ASIC2: variants seen among roughly 807,000 people sequenced by gnomAD.
ASIC2 encodes acid-sensing ion channel 2.
Under a neutral mutation model 57.3 loss-of-function variants are expected in ASIC2, and 25 were observed. The observed-to-expected ratio is 0.44, with a 90% confidence interval of 0.32 to 0.61. The LOEUF (loss-of-function observed/expected upper bound fraction) is 0.61. Ranked by LOEUF, ASIC2 falls within the 20% of genes least tolerant of loss-of-function variation. ASIC2 has a pLI of 0.06. For missense variants in ASIC2, 641 were observed against 738.1 expected (o/e 0.87, Z 1.52); for synonymous variants, 319 against 307.5 (o/e 1.04, Z -0.39).
chr17:33,122,720 T>A (rs2092307691), intron 1 of ASIC2, among the ~76,000 whole-genome samples: 1 of 152,306 alleles, frequency 6.6e-6, no homozygotes, highest in East Asian at 1.9e-4. Flanking sequence ...ATATACACTC[T>A]TATTAACTAT....
At chr17:33,951,949 A>G (rs1042722193) in intron 1 of ASIC2, among the ~76,000 whole-genome samples, 2 of 152,068 alleles carry the variant, frequency 1.3e-5, no homozygotes, top group Non-Finnish European at 2.9e-5. Context: ...CCCTTGATAC[A>G]TTTCAGAGGA....
At chr17:33,126,319 C>G (rs2092322965) in intron 1 of ASIC2, among the ~76,000 whole-genome samples, 1 of 152,210 alleles carries the variant, frequency 6.6e-6, no homozygotes, top group Non-Finnish European at 1.5e-5. Context: ...GACCTGTTTC[C>G]TCATCTGAAG....
intron 3 of ASIC2, among the ~76,000 whole-genome samples, chr17:33,063,811 T>G (rs1425270677): frequency 6.6e-6 from 1 of 151,986 alleles, no homozygotes; most frequent in Non-Finnish European, 1.5e-5. Context: ...CAGACGTAGA[T>G]TTGGTCTTTT....
chr17:33,791,569 G>T (rs1911773246), intron 1 of ASIC2, among the ~76,000 whole-genome samples: 1 of 152,116 alleles, frequency 6.6e-6, no homozygotes, highest in African/African-American at 2.4e-5. Flanking sequence ...ACATTTCACA[G>T]GCAGGAAGTA....
At chr17:33,577,165 C>T (rs77336051) in intron 1 of ASIC2, among the ~76,000 whole-genome samples, 16 of 152,248 alleles carry the variant, frequency 1.1e-4, no homozygotes, top group Admixed American at 2.0e-4. Flanking sequence ...TCCATTGCCA[C>T]TGAGTGCTGT....
intron 1 of ASIC2, among the ~76,000 whole-genome samples, chr17:33,398,866 A>G (rs1321020885): frequency 6.6e-6 from 1 of 152,210 alleles, no homozygotes; most frequent in East Asian, 1.9e-4. Context: ...GTCCAGAAGA[A>G]GCTACCATTT....
intron 1 of ASIC2, among the ~76,000 whole-genome samples, chr17:33,464,504 C>CT (rs1197763807): frequency 2.5e-5 from 1 of 39,434 alleles, no homozygotes; most frequent in Non-Finnish European, 5.7e-5. Context: ...TTCTTTCTTT[C>CT]TTTCTTTCTT....
At chr17:33,669,229 T>C (rs1907572166) in intron 1 of ASIC2, among the ~76,000 whole-genome samples, 6 of 152,202 alleles carry the variant, frequency 3.9e-5, no homozygotes, top group Admixed American at 3.9e-4. Context: ...ATTCTAGAAA[T>C]CTACCCCAGG....
At chr17:33,606,712 A>G (rs1183838545) in intron 1 of ASIC2, among the ~76,000 whole-genome samples, 2 of 152,232 alleles carry the variant, frequency 1.3e-5, no homozygotes, top group African/African-American at 4.8e-5. Flanking sequence ...GAATGAATGA[A>G]TGAACAAATG....
intron 1 of ASIC2, among the ~76,000 whole-genome samples, chr17:33,230,004 G>A (rs753911997): frequency 3.7e-4 from 56 of 152,150 alleles, no homozygotes; most frequent in Non-Finnish European, 6.8e-4. Flanking sequence ...GCCCAGATGG[G>A]GCCTGTGAAC....
intron 1 of ASIC2, among the ~76,000 whole-genome samples, chr17:33,816,503 G>A (rs1912587098): frequency 6.6e-6 from 1 of 152,160 alleles, no homozygotes; most frequent in Non-Finnish European, 1.5e-5. Flanking sequence ...ATAACTCTCA[G>A]GTCATGCAGA....
chr17:33,764,021 C>T lies in ASIC2; in HGVS notation c.555+391957G>A, dbSNP rs528178281. 8.5e-5 allele frequency among the ~76,000 whole-genome samples: 13 copies of T among 152,272 alleles called. No homozygotes were observed. In the East Asian group the frequency reaches 1.2e-3, roughly 14 times the overall value. On this transcript the variant is annotated intron_variant, in intron 1 of 9. Coordinates refer to the ASIC2 transcript ENST00000359872. ...AAGAGTCTTTGATTTCGGCCGGGTGCCGTGGCTCGCGCCTGTAATCCCAGC... is the reference window on the plus strand; with the variant it reads ...AAGAGTCTTTGATTTCGGCCGGGTGTCGTGGCTCGCGCCTGTAATCCCAGC...
At chr17:33,156,435 TAA>T (rs1188779242) in intron 1 of ASIC2, among the ~76,000 whole-genome samples, 1 of 152,092 alleles carries the variant, frequency 6.6e-6, no homozygotes, top group Non-Finnish European at 1.5e-5. Flanking sequence ...AGGGAGCTTT[TAA>T]AAATGATCAG....
At chr17:34,077,955 TCCTGGGTTA>T (rs1909733658) in intron 1 of ASIC2, among the ~76,000 whole-genome samples, 1 of 152,214 alleles carries the variant, frequency 6.6e-6, no homozygotes, top group East Asian at 1.9e-4. Context: ...CTCCAGGACA[TCCTGGGTTA>T]AAGTTATAGA....
chr17:33,980,941 A>C (rs1905592870), intron 1 of ASIC2: 2 of 12,682 alleles, frequency 1.6e-4, no homozygotes, highest in African/African-American at 6.3e-4. Flanking sequence ...CCTCAAGTGT[A>C]ATTTTTTTTT....
chr17:33,151,691 A>G (rs555020071), intron 1 of ASIC2, among the ~76,000 whole-genome samples: 5 of 152,154 alleles, frequency 3.3e-5, no homozygotes, highest in African/African-American at 7.2e-5. Context: ...GGTTCACCCC[A>G]CTTCCCTGCT....
chr17:33,802,121 A>G (rs61562617), intron 1 of ASIC2, among the ~76,000 whole-genome samples: 11,339 of 152,330 alleles, frequency 0.074, 468 homozygotes, highest in East Asian at 0.19. Context: ...GACAGACTGC[A>G]TATACGACAG....
intron 1 of ASIC2, among the ~76,000 whole-genome samples, chr17:33,488,753 C>A (rs150036559): frequency 6.8e-4 from 103 of 152,318 alleles, no homozygotes; most frequent in African/African-American, 2.4e-3. Flanking sequence ...ACAGCCCCAC[C>A]TACCCACATT....
intron 1 of ASIC2, among the ~76,000 whole-genome samples, chr17:33,778,020 T>A (rs1051476685): frequency 6.6e-6 from 1 of 152,142 alleles, no homozygotes; most frequent in Non-Finnish European, 1.5e-5. Context: ...ATGACCTTAC[T>A]CGTGGGCCTT....
Sources: gnomAD v4.1 joint callset for allele counts (sites outside exome capture counted in the v4.1 genomes callset) on GRCh38, gnomAD v4.1.1 for gene constraint, MANE v1.5 for transcripts, NCBI Gene and HGNC (gene_info 2026-07-23, HGNC 2026-07-21) for gene names.